PSD3: variants seen among roughly 807,000 people sequenced by gnomAD.
The protein encoded by PSD3 is PH and SEC7 domain-containing protein 3.
A neutral mutation model predicts 105.5 loss-of-function variants in PSD3; 49 were observed. The observed-to-expected ratio is 0.46, with a 90% CI of 0.37 to 0.59. The LOEUF is 0.59. Among genes scored for constraint, PSD3 ranks in the 20% least tolerant of loss-of-function variants. PSD3 has a pLI of 0.00. For missense variants in PSD3, 1,561 were observed against 1,263.8 expected, an observed-to-expected ratio of 1.24 and a Z score of -3.57; for synonymous variants, 557 against 457.8, an observed-to-expected ratio of 1.22 and a Z score of -2.77.
At chr8:18,544,951 G>T (rs753584908) in intron 15 of PSD3, among the ~76,000 whole-genome samples, 6 of 152,258 alleles carry the variant, frequency 3.9e-5, no homozygotes, top group Non-Finnish European at 8.8e-5. Flanking sequence ...CCTTTCCTCA[G>T]GGTCCAACCA....
At position 18,879,425 on chromosome 8, in the gene PSD3, T is replaced by G. The variant is rs562639994; in HGVS notation, c.131-6692A>C. Among the ~76,000 whole-genome samples, 21 of 152,320 alleles carry G rather than the reference T, an allele frequency of 1.4e-4. No individual in the cohort carries two copies. In the East Asian group the frequency reaches 4.1e-3, roughly 29 times the overall value. ...GGAACAGACGGGGGGAGACAAATGT[T>G]CTGAGAGGCGAAAGGACCTGACCAA... On this transcript the variant is annotated intron_variant, in intron 2 of 15. Coordinates refer to ENST00000327040, the MANE Select transcript of PSD3 (RefSeq NM_015310.4).
intron 11 of PSD3, among the ~76,000 whole-genome samples, chr8:18,613,253 A>T: frequency 6.6e-6 from 1 of 152,152 alleles, no homozygotes; most frequent in African/African-American, 2.4e-5. Flanking sequence ...GATGAAGCCC[A>T]CCCTTTTCCC....
At chr8:18,762,843 A>T in intron 9 of PSD3, 1 of 1,008,268 alleles carries the variant, frequency 9.9e-7, no homozygotes, top group Non-Finnish European at 1.3e-6. Context: ...ATTTTTTCTT[A>T]ACCCTTTCTC....
At chr8:18,864,219 C>T (rs529824273) in intron 4 of PSD3, among the ~76,000 whole-genome samples, 118 of 152,324 alleles carry the variant, frequency 7.7e-4, no homozygotes, top group African/African-American at 2.7e-3. Context: ...AGTAAGAGCA[C>T]GGGCTCTGGA....
rs143820340 is a variant in PSD3 at position 18,749,278 on chromosome 8, A to G, written c.2172+16171T>C. Among the ~76,000 whole-genome samples, 1,046 of 152,228 alleles carry G rather than the reference A, an allele frequency of 6.9e-3. 15 individuals are homozygous for G. Among genetic ancestry groups the G allele is most frequent in the African/African-American group, 0.024 (983 of 41,548 alleles). ...ACACTGGCATCTAAGCTGTTACCCC[A>G]CAACCAGAGTCCCTTCTACTCCAGC... On this transcript the variant is annotated intron_variant, in intron 9 of 15. Transcript: ENST00000327040.
chr8:18,591,910 C>T (rs188277593), intron 12 of PSD3, among the ~76,000 whole-genome samples: 2 of 152,204 alleles, frequency 1.3e-5, no homozygotes, highest in East Asian at 3.9e-4. Flanking sequence ...TCAGAGTTCC[C>T]TAAAATCTGT....
intron 1 of PSD3, among the ~76,000 whole-genome samples, chr8:19,056,013 T>A (rs1003586740): frequency 6.6e-6 from 1 of 152,214 alleles, no homozygotes; most frequent in African/African-American, 2.4e-5. Flanking sequence ...AACTCTATTA[T>A]CTTGAAAAAT....
chr8:19,031,779 A>G (rs569297916), intron 1 of PSD3, among the ~76,000 whole-genome samples: 30 of 152,322 alleles, frequency 2.0e-4, no homozygotes, highest in African/African-American at 7.2e-4. Context: ...CAGAAAAATA[A>G]ACCCACGAGC....
chr8:18,808,384 G>A (rs1023159430), intron 4 of PSD3, among the ~76,000 whole-genome samples: 24 of 152,100 alleles, frequency 1.6e-4, no homozygotes, highest in African/African-American at 5.6e-4. Context: ...GCCCAATTTT[G>A]TTCAAATACA....
chr8:18,615,102 C>T (rs940093299), intron 11 of PSD3, among the ~76,000 whole-genome samples: 1 of 151,978 alleles, frequency 6.6e-6, no homozygotes, highest in Admixed American at 6.6e-5. Context: ...AATTCTTTGC[C>T]GTCTACTTTT....
At chr8:18,580,339 T>C (rs1460460407) in intron 12 of PSD3, among the ~76,000 whole-genome samples, 1 of 152,140 alleles carries the variant, frequency 6.6e-6, no homozygotes, top group African/African-American at 2.4e-5. Flanking sequence ...CCTTGAATCC[T>C]CAGTGGCTTC....
Position 19,072,752 on chromosome 8 carries a change from G to C in PSD3, c.324+11454C>G, listed in dbSNP as rs566096791. On this transcript the variant is annotated intron_variant, in intron 1 of 1. Coordinates refer to the PSD3 transcript ENST00000521475. The stretch of plus-strand genomic sequence containing the variant: ...GGAGGACTGGCAATCAAAGCAGGGA[G>C]GCTCTCCAGGGTCTGCATATTCTGT... 3.9e-5 allele frequency among the ~76,000 whole-genome samples: 6 copies of C among 152,290 alleles called. No homozygotes were observed. The South Asian group carries it at 1.0e-3, about 26-fold the overall frequency.
chr8:18,647,924 C>T (rs1260717785), intron 10 of PSD3, among the ~76,000 whole-genome samples: 1 of 152,160 alleles, frequency 6.6e-6, no homozygotes, highest in Non-Finnish European at 1.5e-5. Flanking sequence ...GCCAGCTCCC[C>T]CTTCACTTTC....
At position 18,819,766 on chromosome 8, in the gene PSD3, A is replaced by T. The variant is rs572591617; in HGVS notation, c.1635-14868T>A. Among the ~76,000 whole-genome samples, 5 of 152,004 alleles carry T rather than the reference A, an allele frequency of 3.3e-5. No individual in the cohort carries two copies. The East Asian group carries it at 7.8e-4, about 24-fold the overall frequency. On this transcript the variant is annotated intron_variant, in intron 4 of 15. Transcript: ENST00000327040. ...GCTAATTTTTGTCTGTTTAGTAGAG[A>T]TGGGGTTTCACCGTGTTGGCCAGGA... is the stretch of plus-strand genomic sequence containing the variant.
intron 9 of PSD3, among the ~76,000 whole-genome samples, chr8:18,709,922 T>A (rs1353787691): frequency 6.6e-6 from 1 of 151,922 alleles, no homozygotes; most frequent in East Asian, 1.9e-4. Context: ...TAAAAAGAAA[T>A]AGGGTGCCTC....
chr8:18,567,787 C>T (rs1801886386), intron 14 of PSD3, among the ~76,000 whole-genome samples: 1 of 152,138 alleles, frequency 6.6e-6, no homozygotes, highest in Non-Finnish European at 1.5e-5. Flanking sequence ...CATGACTCCA[C>T]CAAAATGTTC....
At chr8:18,726,459 G>C (rs1413232304) in intron 9 of PSD3, among the ~76,000 whole-genome samples, 7 of 152,142 alleles carry the variant, frequency 4.6e-5, no homozygotes. Flanking sequence ...CTGCTGTATA[G>C]CTGATTATAA....
intron 9 of PSD3, among the ~76,000 whole-genome samples, chr8:18,747,205 T>C (rs780373394): frequency 2.6e-5 from 4 of 152,248 alleles, no homozygotes; most frequent in African/African-American, 4.8e-5. Context: ...TAAAAATGTA[T>C]GTGGGTACCT....
At chr8:18,816,851 C>T (rs567787590) in intron 4 of PSD3, among the ~76,000 whole-genome samples, 3 of 83,304 alleles carry the variant, frequency 3.6e-5, no homozygotes, top group African/African-American at 1.1e-4. Context: ...AGTTTACACT[C>T]AGACAGTGAC....
Sources: gnomAD v4.1 joint callset for allele counts (sites outside exome capture counted in the v4.1 genomes callset) on GRCh38, gnomAD v4.1.1 for gene constraint, MANE v1.5 for transcripts, NCBI Gene and HGNC (gene_info 2026-07-23, HGNC 2026-07-21) for gene names.